The following OSBP variants were observed in gnomAD, a reference collection of about 807,000 sequenced individuals.
OSBP encodes the protein oxysterol-binding protein 1.
OSBP carries 32 observed loss-of-function variants against 96.6 expected under a neutral mutation model. That is an observed-to-expected ratio of 0.33 (90% CI 0.25 to 0.45). The LOEUF is 0.45. Among genes scored for constraint, OSBP ranks in the 20% least tolerant of loss-of-function variants. OSBP has a pLI of 1.00. For missense variants in OSBP, 653 were observed against 1,029.7 expected, an observed-to-expected ratio of 0.63 and a Z score of 5.01; for synonymous variants, 369 against 389.6, an observed-to-expected ratio of 0.95 and a Z score of 0.62.
At chr11:59,605,637 C>T (rs1480645028) in intron 3 of OSBP, among the ~76,000 whole-genome samples, 4 of 152,094 alleles carry the variant, frequency 2.6e-5, no homozygotes, top group Non-Finnish European at 4.4e-5. Flanking sequence ...CCACTCGACT[C>T]GGCCTCACAA....
chr11:59,578,450 G>C, intron 11 of OSBP, 120 bp from the exon 12 acceptor site: 1 of 926,074 alleles, frequency 1.1e-6, no homozygotes, highest in Non-Finnish European at 1.7e-6. Flanking sequence ...ACACCAGAGA[G>C]TCATCCAAAT....
At chr11:59,604,913 G>C (rs1292474343) in intron 3 of OSBP, among the ~76,000 whole-genome samples, 1 of 151,216 alleles carries the variant, frequency 6.6e-6, no homozygotes, top group Non-Finnish European at 1.5e-5. Context: ...CAGCACTTTG[G>C]GAGGCCTAGG....
chr11:59,584,147 A>G (rs565078144), intron 9 of OSBP, among the ~76,000 whole-genome samples: 114 of 151,806 alleles, frequency 7.5e-4, no homozygotes, highest in South Asian at 1.0e-3. Flanking sequence ...GGGTTCCACT[A>G]TGTTGCCTAA....
chr11:59,611,880 A>G (rs537985678), intron 1 of OSBP, among the ~76,000 whole-genome samples: 2 of 152,340 alleles, frequency 1.3e-5, no homozygotes, highest in South Asian at 2.1e-4. Flanking sequence ...TTCACATAAA[A>G]TATCAAGCTT....
intron 9 of OSBP, among the ~76,000 whole-genome samples, chr11:59,584,545 T>G (rs1241448881): frequency 3.3e-5 from 5 of 152,152 alleles, no homozygotes; most frequent in Non-Finnish European, 7.4e-5. Flanking sequence ...AAAAAACACA[T>G]GATCATCTCA....
chr11:59,596,881 G>A (rs370987401), intron 7 of OSBP, among the ~76,000 whole-genome samples: 90 of 152,138 alleles, frequency 5.9e-4, no homozygotes, highest in African/African-American at 1.9e-3. Context: ...CAGTAGCCAC[G>A]GAAGCCTGAA....
At chr11:59,584,647 T>C (rs181105995) in intron 9 of OSBP, among the ~76,000 whole-genome samples, 1 of 152,108 alleles carries the variant, frequency 6.6e-6, no homozygotes, top group Non-Finnish European at 1.5e-5. Flanking sequence ...TACCTCACCA[T>C]AATAAAAGCC....
chr11:59,598,189 A>G (rs934655721), intron 7 of OSBP, among the ~76,000 whole-genome samples: 2 of 152,210 alleles, frequency 1.3e-5, no homozygotes, highest in African/African-American at 4.8e-5. Context: ...GACCCAGTTA[A>G]TTACTTCGAC....
chr11:59,589,202 G>A (rs1860544060), intron 9 of OSBP, among the ~76,000 whole-genome samples: 1 of 149,388 alleles, frequency 6.7e-6, no homozygotes, highest in South Asian at 2.1e-4. Flanking sequence ...TGCCTAGGCT[G>A]GTATCAGACT....
intron 1 of OSBP, among the ~76,000 whole-genome samples, chr11:59,614,925 G>A (rs1860902663): frequency 6.6e-6 from 1 of 152,184 alleles, no homozygotes; most frequent in African/African-American, 2.4e-5. Flanking sequence ...GAGTGCCTCG[G>A]GTTTGTTCTG....
rs1277828268 is a variant in OSBP at position 59,596,889 on chromosome 11, G to GA, written c.1312-2635dup. ...CAGACTCCAGTAGCCACGGAAGCCT[G>GA]AAAAAACACTTCCTAGAGGGATTAG... On this transcript the variant is annotated intron_variant, in intron 7 of 13. Transcript: ENST00000263847. 5.3e-5 allele frequency among the ~76,000 whole-genome samples: 8 copies of GA among 152,222 alleles called. No homozygotes were observed. In the South Asian group the frequency reaches 6.2e-4, roughly 12 times the overall value.
chr11:59,612,735 TG>T (rs1224422999), intron 1 of OSBP, among the ~76,000 whole-genome samples: 1 of 152,208 alleles, frequency 6.6e-6, no homozygotes, highest in Non-Finnish European at 1.5e-5. Context: ...TGGTATTTTC[TG>T]GCCAGAAAGT....
At chr11:59,591,484 C>T (rs1860579270) in intron 9 of OSBP, among the ~76,000 whole-genome samples, 1 of 152,098 alleles carries the variant, frequency 6.6e-6, no homozygotes, top group Non-Finnish European at 1.5e-5. Context: ...ACACATTCCT[C>T]TCCCTTGTAT....
chr11:59,589,321 G>C lies in OSBP; in HGVS notation c.1678+4283C>G, dbSNP rs1021583858. 3.3e-4 allele frequency among the ~76,000 whole-genome samples: 50 copies of C among 151,482 alleles called. 1 individual carries two copies. Among genetic ancestry groups the C allele is most frequent in the Admixed American group, 3.0e-3 (45 of 15,248 alleles). ...TTAATTAAATGTATCTTTTTGGCCA[G>C]GCGTGGTGGTGCCTCACGCCAGTAA... On this transcript the variant is annotated intron_variant, in intron 9 of 13. Coordinates refer to ENST00000263847, the MANE Select transcript of OSBP (RefSeq NM_002556.3).
At chr11:59,614,755 G>C (rs945149238) in intron 1 of OSBP, among the ~76,000 whole-genome samples, 1 of 152,222 alleles carries the variant, frequency 6.6e-6, no homozygotes, top group Non-Finnish European at 1.5e-5. Context: ...AAGGCAGAAA[G>C]GGGACGGAAT....
At chr11:59,596,507 A>T (rs1257891292) in intron 7 of OSBP, among the ~76,000 whole-genome samples, 1 of 152,180 alleles carries the variant, frequency 6.6e-6, no homozygotes. Context: ...CTCAAAAGCC[A>T]AACAGGGAAA....
Position 59,613,553 on chromosome 11 carries a change from G to A in OSBP, c.362+1750C>T, listed in dbSNP as rs552221427. 7.2e-5 allele frequency among the ~76,000 whole-genome samples: 11 copies of A among 152,086 alleles called. 1 individual carries two copies. In the South Asian group the frequency reaches 2.3e-3, roughly 32 times the overall value. ...AAAAACAGTATTAATATTGACTTGC[G>A]ACACAAGTCAGGATATAAATCAATT... On this transcript the variant is annotated intron_variant, in intron 1 of 13. Transcript: ENST00000263847.
chr11:59,608,372 G>T, intron 3 of OSBP, 112 bp downstream of exon 3: 2 of 1,279,164 alleles, frequency 1.6e-6, no homozygotes, highest in Non-Finnish European at 2.2e-6. Context: ...GACCAGTGAA[G>T]CAGGCCCTAA....
Position 59,600,479 on chromosome 11 carries a change from G to C in OSBP, c.1311+17C>G. 1 of 1,612,756 alleles carries C rather than the reference G, an allele frequency of 6.2e-7. No individual in the cohort carries two copies. Among genetic ancestry groups the C allele is most frequent in the Non-Finnish European group, 8.5e-7 (1 of 1,179,438 alleles). ...AGAGGAACTCCTGGCAGCAGCTCCA[G>C]TGTGCAAGAACCTTACCGGCATGGG... On this transcript the variant is annotated intron_variant, in intron 7 of 13. Coordinates refer to ENST00000263847, the MANE Select transcript of OSBP (RefSeq NM_002556.3).
Sources: gnomAD v4.1 joint callset for allele counts (sites outside exome capture counted in the v4.1 genomes callset) on GRCh38, gnomAD v4.1.1 for gene constraint, MANE v1.5 for transcripts, NCBI Gene and HGNC (gene_info 2026-07-23, HGNC 2026-07-21) for gene names.